MFGE8: variants seen among roughly 807,000 people sequenced by gnomAD.
MFGE8 encodes milk fat globule EGF and factor V/VIII domain containing, also known as lactadherin.
Under a neutral mutation model 42.6 loss-of-function variants are expected in MFGE8, and 34 were observed. The observed-to-expected ratio is 0.80, with a 90% CI of 0.61 to 1.06. The LOEUF (loss-of-function observed/expected upper bound fraction) is 1.06, where lower values mean the gene tolerates loss of function less well. MFGE8 is among the 50% of genes least tolerant of loss of function. MFGE8 has a pLI of 0.00. For synonymous variants in MFGE8, 230 were observed against 214.8 expected, an observed-to-expected ratio of 1.07 and a Z score of -0.62; for missense variants, 510 against 516.9, an observed-to-expected ratio of 0.99 and a Z score of 0.13.
chr15:88,908,261 C>T (rs1194193767), intron 2 of MFGE8, among the ~76,000 whole-genome samples: 2 of 152,168 alleles, frequency 1.3e-5, no homozygotes, highest in Non-Finnish European at 2.9e-5. Flanking sequence ...AGTCTTCCTC[C>T]AACATCACAG....
At chr15:88,911,970 AGGCGGG>A (rs1386781664) in intron 1 of MFGE8, among the ~76,000 whole-genome samples, 1 of 152,148 alleles carries the variant, frequency 6.6e-6, no homozygotes, top group African/African-American at 2.4e-5. Flanking sequence ...CTGACCTGGC[AGGCGGG>A]GGCGAGCATT....
chr15:88,913,035 G>C (rs1456161965), intron 1 of MFGE8: 71 of 985,312 alleles, frequency 7.2e-5, no homozygotes, highest in Non-Finnish European at 8.4e-5. Flanking sequence ...GATGTCCCGA[G>C]TCCCAGCCCA....
At chr15:88,912,882 G>C (rs1407623666) in intron 1 of MFGE8, 1 of 985,440 alleles carries the variant, frequency 1.0e-6, no homozygotes, top group Non-Finnish European at 1.2e-6. Context: ...TAGAGTCCTA[G>C]AATCTCCCAG....
rs753956132 is a variant in MFGE8, at chr15:88,907,383, G to A, written c.206-7C>T. 4 of 1,614,114 alleles carry A rather than the reference G, an allele frequency of 2.5e-6. No individual in the cohort carries two copies. The highest frequency in any genetic ancestry group is 3.4e-6 in the Non-Finnish European group (4 of 1,179,968). On this transcript the variant is annotated splice_region_variant and splice_polypyrimidine_tract_variant and intron_variant, in intron 2 of 7. Transcript: ENST00000268150. ...CCCAGTGGCTCGACACATTCTGAGGGAAGGGAGGTGGCAGTCAGGTGGCTA... is the reference window on the plus strand; with the variant it reads ...CCCAGTGGCTCGACACATTCTGAGGAAAGGGAGGTGGCAGTCAGGTGGCTA...
chr15:88,907,058 G>C lies in MFGE8; in HGVS notation c.387+137C>G, dbSNP rs914836903. 10 of 1,158,492 alleles carry C rather than the reference G, an allele frequency of 8.6e-6. No individual in the cohort carries two copies. In the Admixed American group the frequency reaches 2.0e-4, roughly 23 times the overall value. 71.8% of individuals were successfully genotyped at this position (1,158,492 alleles called of 1,614,324 possible). A position where few individuals can be genotyped will look rare whatever the true frequency, so the allele number is the denominator to read the frequency against. On this transcript the variant is annotated intron_variant, in intron 3 of 7. Coordinates refer to ENST00000268150, the MANE Select transcript of MFGE8 (RefSeq NM_005928.4). The stretch of plus-strand genomic sequence containing the variant: ...CCTCCAGGGATGCCATCCACTTACA[G>C]ATACTTCATCCATGGGAACCTGTTA...
intron 1 of MFGE8, 38 bp downstream of exon 1, chr15:88,913,209 G>T: frequency 6.7e-7 from 1 of 1,487,824 alleles, no homozygotes; most frequent in Non-Finnish European, 8.9e-7. Flanking sequence ...GGCGCGGGGA[G>T]GAGGGGCGAG....
rs1413230449 is a variant in MFGE8 at position 88,901,793 on chromosome 15, G to A, written c.686-58C>T. 3.2e-6 allele frequency: 5 copies of A among 1,540,436 alleles called. No individual in the cohort carries two copies. The Admixed American group carries it at 6.8e-5, about 21-fold the overall frequency. On this transcript the variant is annotated intron_variant, in intron 5 of 7. Transcript: ENST00000268150. ...GGATCCACAGCTCCCAGGGGCAGGA[G>A]CACAAGGCGATGAAGCAGAAAGAAC...
chr15:88,907,675 C>T (rs1898756654), intron 2 of MFGE8, among the ~76,000 whole-genome samples: 2 of 148,240 alleles, frequency 1.3e-5, no homozygotes, highest in African/African-American at 5.0e-5. Context: ...ACTGTGGGGA[C>T]AGCCATGATT....
At chr15:88,910,870 C>T (rs562604607) in intron 1 of MFGE8, 3 of 152,152 alleles carry the variant, frequency 2.0e-5, no homozygotes, top group Admixed American at 6.5e-5. Context: ...CTTCCTTCAC[C>T]CTCCTCACCA....
At position 88,906,723 on chromosome 15, in the gene MFGE8, C is replaced by G; in HGVS notation, c.443G>C (p.Arg148Pro). The G allele has an allele frequency of 6.2e-7, 1 of 1,613,764 alleles. No homozygotes were observed. Among genetic ancestry groups the G allele is most frequent in the Non-Finnish European group, 8.5e-7 (1 of 1,179,932 alleles). The change falls in exon 4 of 8, where the codon CGC (arginine) becomes CCC (proline). Residue 148 changes from arginine to proline, a missense_variant. Transcript: ENST00000268150. This position sits in a 1 kb window ranked among gnomAD's most constrained non-coding sequence, Gnocchi z 4.2. ...CTTCAGGTACTCATGACTGGCCAAG[C>G]GGCTGGCACCCTGCGTCACCACACC... ...VTGVVTQGAS[R>P]LASHEYLKAF...
rs1374674960 is a variant in MFGE8 at position 88,906,276 on chromosome 15, G to A, written c.540+350C>T. 6.7e-6 allele frequency: 3 copies of A among 450,792 alleles called. No homozygotes were observed. Among genetic ancestry groups the A allele is most frequent in the African/African-American group, 6.0e-5 (3 of 50,284 alleles). 27.9% of individuals were successfully genotyped at this position (450,792 alleles called of 1,614,324 possible). On this transcript the variant is annotated intron_variant, in intron 4 of 7. Transcript: ENST00000268150. The surrounding 1 kb of genome is among the most constrained non-coding windows in gnomAD (Gnocchi z 4.2). ...ATGTACAATGCCTGTACTGTGAATG[G>A]TGCCTGCTTAGCAATGACATCCTTG...
chr15:88,900,678 T>C, intron 6 of MFGE8: 3 of 982,126 alleles, frequency 3.1e-6, no homozygotes, highest in Non-Finnish European at 3.6e-6. Context: ...AGGTGGGTAC[T>C]AGGCAGATCA....
At chr15:88,908,039 G>A (rs1056010344) in intron 2 of MFGE8, among the ~76,000 whole-genome samples, 7 of 152,084 alleles carry the variant, frequency 4.6e-5, no homozygotes, top group African/African-American at 9.7e-5. Context: ...CCCTCTTTAC[G>A]CCTTCCACCT....
chr15:88,907,683 A>C (rs941893088), intron 2 of MFGE8, among the ~76,000 whole-genome samples: 5 of 143,658 alleles, frequency 3.5e-5, no homozygotes, highest in African/African-American at 1.3e-4. Context: ...GACAGCCATG[A>C]TTGGCACTCA....
In MFGE8 at chr15:88,907,341, T is replaced by C; in HGVS notation, c.241A>G (p.Ile81Val). ...GAGGCGGCGATCTGTGAGTTGGCAA[T>C]GTTCCCATTCTCCAGGCCCAGTGGC... is the stretch of plus-strand genomic sequence containing the variant. The part of the protein sequence containing the change: ...VEPLGLENGN[I>V]ANSQIAASSV... The change falls in exon 3 of 8, where the codon ATT (isoleucine) becomes GTT (valine). Residue 81 changes from isoleucine to valine, a missense_variant. By Grantham distance (29) the Ile-to-Val change is conservative. Coordinates refer to ENST00000268150, the MANE Select transcript of MFGE8 (RefSeq NM_005928.4). 6.2e-7 allele frequency: 1 copy of C among 1,614,166 alleles called. No individual in the cohort carries two copies. Among genetic ancestry groups the C allele is most frequent in the Non-Finnish European group, 8.5e-7 (1 of 1,180,024 alleles).
intron 2 of MFGE8, among the ~76,000 whole-genome samples, 159 bp from the exon 3 acceptor site, chr15:88,907,535 C>T (rs148073419): frequency 1.3e-5 from 2 of 152,208 alleles, no homozygotes; most frequent in East Asian, 3.9e-4. Context: ...CACAAAGGGA[C>T]AATGAAGGCA....
Position 88,899,380 on chromosome 15 carries a change from G to A in MFGE8, c.*15C>T. ...CCCATGGAAAGCAGGAAGACCTGGG[G>A]GTGGCAGGTGGCCACTAACAGCCCA... On this transcript the variant is annotated 3_prime_UTR_variant, in exon 8 of 8. Transcript: ENST00000268150. This position sits in a 1 kb window ranked among gnomAD's most constrained non-coding sequence, Gnocchi z 6.8. 1 of 1,613,856 alleles carries A rather than the reference G, an allele frequency of 6.2e-7. No homozygotes were observed. Among genetic ancestry groups the A allele is most frequent in the Non-Finnish European group, 8.5e-7 (1 of 1,179,948 alleles).
rs780777744 is a variant in MFGE8, at chr15:88,909,872, G to T, written c.125C>A (p.Ser42Tyr). ...CHNGGLCEEI[S>Y]QEVRGDVFPS... ...GAAGACATCTCCTCGCACTTCTTGGGAAATCTCCTCGCATAAACCACCGTT... is the reference window on the plus strand; with the variant it reads ...GAAGACATCTCCTCGCACTTCTTGGTAAATCTCCTCGCATAAACCACCGTT... Residue 42 changes from serine (S) to tyrosine (Y), a missense_variant, in exon 2 of 8, where the codon TCC becomes TAC. Coordinates refer to ENST00000268150, the MANE Select transcript of MFGE8 (RefSeq NM_005928.4). 6.2e-6 allele frequency: 10 copies of T among 1,614,104 alleles called. No individual in the cohort carries two copies. The highest frequency in any genetic ancestry group is 1.3e-5 in the African/African-American group (1 of 74,926).
chr15:88,899,220 C>G lies in MFGE8; in HGVS notation c.*175G>C. 1.2e-6 allele frequency: 1 copy of G among 841,126 alleles called. No individual in the cohort carries two copies. The allele number at this position is 841,126 out of a possible 1,614,324, so 52.1% of individuals were successfully genotyped here. On this transcript the variant is annotated 3_prime_UTR_variant, in exon 8 of 8. Coordinates refer to ENST00000268150, the MANE Select transcript of MFGE8 (RefSeq NM_005928.4). This position sits in a 1 kb window ranked among gnomAD's most constrained non-coding sequence, Gnocchi z 6.8. ...ACGGGGCTTAGGGGCTGGGGCAGGG[C>G]CCGTGAGAGGTGGAGGGTGGGAAAG...
Sources: gnomAD v4.1 joint callset for allele counts (sites outside exome capture counted in the v4.1 genomes callset) on GRCh38, gnomAD v4.1.1 for gene constraint, Gnocchi (gnomAD v3.1) non-coding constraint, MANE v1.5 for transcripts, NCBI Gene and HGNC (gene_info 2026-07-23, HGNC 2026-07-21) for gene names.